The following TOP2B variants were observed in gnomAD, a reference collection of about 807,000 sequenced individuals.
TOP2B encodes DNA topoisomerase II beta.
Under a neutral mutation model 193.5 loss-of-function variants are expected in TOP2B, and 51 were observed. That is an observed-to-expected ratio of 0.26 (90% CI 0.21 to 0.33). The LOEUF is 0.33. Ranked by LOEUF, TOP2B falls within the 10% of genes least tolerant of loss-of-function variation. The pLI, the probability that TOP2B is intolerant of heterozygous loss-of-function variation, is 1.00. For synonymous variants in TOP2B, 634 were observed against 635.7 expected, an observed-to-expected ratio of 1.00 and a Z score of 0.04; for missense variants, 1,378 against 1,909.3, an observed-to-expected ratio of 0.72 and a Z score of 5.19.
rs1409477202 is a variant in TOP2B at position 25,609,203 on chromosome 3, G to C, written c.4073C>G (p.Ser1358Cys). The C allele has an allele frequency of 1.2e-5, 19 of 1,608,358 alleles. 1 individual carries two copies. The highest frequency in any genetic ancestry group is 1.5e-5 in the Non-Finnish European group (18 of 1,177,092). ...AATACCTGCTGCTCTCCTAAGCAAAGAATCTCTTGGAATAACCACAGGTTC... is the reference window on the plus strand; with the variant it reads ...AATACCTGCTGCTCTCCTAAGCAAACAATCTCTTGGAATAACCACAGGTTC... ...ETEPVVIPRD[S>C]LLRRAAAERP... The change falls in exon 30 of 36, where the codon TCT (serine) becomes TGT (cysteine). Residue 1358 changes from serine to cysteine, a missense_variant. By Grantham distance (112) the Ser-to-Cys change is moderately radical. This residue lies in a region of TOP2B where 556 missense variants were observed against 584.2 expected (regional missense o/e 0.95). Coordinates refer to ENST00000264331, the MANE Select transcript of TOP2B (RefSeq NM_001330700.2).
chr3:25,597,948 TTAC>T (rs145196900), downstream of TOP2B: 173 of 157,932 alleles, frequency 1.1e-3, no homozygotes, highest in African/African-American at 3.5e-3. Context: ...GTGGGAGCTT[TTAC>T]TACACCTTTA....
chr3:25,624,998 T>A, intron 18 of TOP2B, 195 bp from the exon 19 acceptor site: 1 of 479,752 alleles, frequency 2.1e-6, no homozygotes, highest in South Asian at 2.9e-5. Context: ...TCTGCAGGTA[T>A]ATACTAAGAT....
Position 25,664,449 on chromosome 3 carries a change from G to T in TOP2B, c.-152C>A, listed in dbSNP as rs1163272620. The T allele has an allele frequency of 8.0e-7, 1 of 1,248,546 alleles. No homozygotes were observed. Among genetic ancestry groups the T allele is most frequent in the African/African-American group, 1.6e-5 (1 of 63,364 alleles). The allele number at this position is 1,248,546 out of a possible 1,614,324, so 77.3% of individuals were successfully genotyped here. A position where few individuals can be genotyped will look rare whatever the true frequency, so the allele number is the denominator to read the frequency against. On this transcript the variant is annotated 5_prime_UTR_variant, in exon 1 of 36. Coordinates refer to ENST00000264331, the MANE Select transcript of TOP2B (RefSeq NM_001330700.2). ...GCGCCCCATCGCGAAGATCCGGAGC[G>T]GACGTCCAGCCGAGCCCGCTGAGGA...
chr3:25,639,115 G>A (rs900689729), intron 4 of TOP2B, among the ~76,000 whole-genome samples: 9 of 151,964 alleles, frequency 5.9e-5, no homozygotes, highest in African/African-American at 1.5e-4. Context: ...TCTATAATAT[G>A]TTGAATAAAG....
intron 21 of TOP2B, among the ~76,000 whole-genome samples, chr3:25,621,817 C>T (rs1702665316): frequency 6.6e-6 from 1 of 151,898 alleles, no homozygotes; most frequent in Admixed American, 6.6e-5. Context: ...AGTGAAACCC[C>T]GTCTCTACTA....
intron 2 of TOP2B, among the ~76,000 whole-genome samples, chr3:25,644,461 G>C (rs192794225): frequency 6.6e-6 from 1 of 152,094 alleles, no homozygotes. Flanking sequence ...AGCACTCTGG[G>C]GGGCCAAGGT....
chr3:25,629,810 C>A (rs1320404729), intron 13 of TOP2B, among the ~76,000 whole-genome samples: 1 of 152,150 alleles, frequency 6.6e-6, no homozygotes, highest in Non-Finnish European at 1.5e-5. Flanking sequence ...TATAGTACCA[C>A]ACTGTATTAT....
rs905375654 is a variant in TOP2B, at chr3:25,607,317, A to T, written c.4152T>A (p.Asp1384Glu). The T allele has an allele frequency of 2.6e-6, 4 of 1,552,616 alleles. No individual in the cohort carries two copies. In the Admixed American group the frequency reaches 5.9e-5, roughly 23 times the overall value. Residue 1384 changes from aspartate (D) to glutamate (E), a missense_variant, in exon 31 of 36, where the codon GAT becomes GAA. Coordinates refer to ENST00000264331, the MANE Select transcript of TOP2B (RefSeq NM_001330700.2). Reference sequence around the variant, plus strand: ...CTAAATCATTATTGTCATCATCATCATCATCAGCATCATCATCCTCTTCTT... The same window carrying T: ...CTAAATCATTATTGTCATCATCATCTTCATCAGCATCATCATCCTCTTCTT... ...FSEEEDDDAD[D>E]DDDDNNDLEE...
intron 32 of TOP2B, among the ~76,000 whole-genome samples, chr3:25,605,280 G>A (rs551019953): frequency 2.1e-4 from 32 of 152,144 alleles, no homozygotes; most frequent in Admixed American, 4.6e-4. Flanking sequence ...TAAAAGAATA[G>A]TAAGTATTCC....
intron 10 of TOP2B, among the ~76,000 whole-genome samples, chr3:25,631,252 C>T (rs1165242695): frequency 1.3e-5 from 2 of 151,838 alleles, no homozygotes; most frequent in African/African-American, 4.8e-5. Flanking sequence ...ACAGTGAAAA[C>T]AGATCCACAC....
rs533976912 is a variant in TOP2B at position 25,628,051 on chromosome 3, C to CA, written c.1907-756dup. Among the ~76,000 whole-genome samples the CA allele has an allele frequency of 4.4e-3, 607 of 137,844 alleles. 8 individuals carry two copies. The highest frequency in any genetic ancestry group is 0.015 in the African/African-American group (572 of 37,384). 90.4% of individuals were successfully genotyped at this position (137,844 alleles called of 152,430 possible). A position where few individuals can be genotyped will look rare whatever the true frequency, so the allele number is the denominator to read the frequency against. ...TGGGCAACAGAGCAAGACTCTATCTCAAAAAAATAAAAACAATTAAAAAAA... is the reference window on the plus strand; with the variant it reads ...TGGGCAACAGAGCAAGACTCTATCTCAAAAAAAATAAAAACAATTAAAAAAA... On this transcript the variant is annotated intron_variant, in intron 15 of 35. Coordinates refer to ENST00000264331, the MANE Select transcript of TOP2B (RefSeq NM_001330700.2).
chr3:25,612,807 AAAG>A, intron 27 of TOP2B, 98 bp from the exon 28 acceptor site: 5 of 869,532 alleles, frequency 5.8e-6, no homozygotes, highest in Non-Finnish European at 8.9e-6. Flanking sequence ...TTCACTCAGT[AAAG>A]AATAAAGCTT....
intron 23 of TOP2B, 39 bp from the exon 24 acceptor site, chr3:25,618,888 T>C: frequency 2.8e-6 from 4 of 1,425,450 alleles, no homozygotes; most frequent in Non-Finnish European, 3.8e-6. Context: ...CATATAGATC[T>C]GTACTGGTAT....
intron 5 of TOP2B, among the ~76,000 whole-genome samples, chr3:25,637,813 A>T (rs1257925135): frequency 6.6e-6 from 1 of 152,022 alleles, no homozygotes. Context: ...TTCAATCCTG[A>T]CCTTCTCAAG....
chr3:25,604,479 C>T (rs1181059069), intron 33 of TOP2B, among the ~76,000 whole-genome samples: 4 of 152,134 alleles, frequency 2.6e-5, no homozygotes, highest in Admixed American at 2.0e-4. Flanking sequence ...AAATTTTAAT[C>T]TCCATTACAA....
In TOP2B at chr3:25,645,166, T is replaced by C. The variant is rs1482062047; in HGVS notation, c.240+134A>G. The C allele has an allele frequency of 9.4e-6, 8 of 847,074 alleles. No individual in the cohort carries two copies. The East Asian group carries it at 2.1e-4, about 23-fold the overall frequency. The allele number at this position is 847,074 out of a possible 1,614,324, so 52.5% of individuals were successfully genotyped here. On this transcript the variant is annotated intron_variant, in intron 2 of 35. Transcript: ENST00000264331. Reference sequence around the variant, plus strand: ...GTAAATACATTTCTACTTCTAGATCTTTCACCCTACTTTGACTATGACAGA... The same window carrying C: ...GTAAATACATTTCTACTTCTAGATCCTTCACCCTACTTTGACTATGACAGA...
At chr3:25,628,989 T>C (rs776262720) in intron 14 of TOP2B, 37 bp from the exon 15 acceptor site, 12 of 1,580,630 alleles carry the variant, frequency 7.6e-6, no homozygotes, top group Non-Finnish European at 1.0e-5. Context: ...GTTTTTCTGC[T>C]ACCCTTTAAG....
At position 25,664,107 on chromosome 3, in the gene TOP2B, A is replaced by G. The variant is rs530598013; in HGVS notation, c.69+122T>C. The G allele has an allele frequency of 6.2e-5, 88 of 1,426,434 alleles. No homozygotes were observed. The African/African-American group carries it at 7.6e-4, about 12-fold the overall frequency. The allele number at this position is 1,426,434 out of a possible 1,614,324, so 88.4% of individuals were successfully genotyped here. ...GAGGATTCTGCAAGCACAGGCCCCT[A>G]TGGAGCGCCCGTTCGGGGGACGGGA... On this transcript the variant is annotated intron_variant, in intron 1 of 35. Coordinates refer to ENST00000264331, the MANE Select transcript of TOP2B (RefSeq NM_001330700.2).
intron 34 of TOP2B, among the ~76,000 whole-genome samples, chr3:25,599,947 A>T (rs1702048885): frequency 6.6e-6 from 1 of 152,238 alleles, no homozygotes; most frequent in Non-Finnish European, 1.5e-5. Flanking sequence ...AATTACTAAA[A>T]AATGTAATCA....
Sources: gnomAD v4.1 joint callset for allele counts (sites outside exome capture counted in the v4.1 genomes callset) on GRCh38, gnomAD v4.1.1 for gene constraint, gnomAD v4.1.1 regional missense constraint, MANE v1.5 for transcripts, NCBI Gene and HGNC (gene_info 2026-07-23, HGNC 2026-07-21) for gene names.